The following P2RX3 variants were observed in gnomAD, a reference collection of about 807,000 sequenced individuals.
P2RX3 encodes P2X purinoceptor 3.
A neutral mutation model predicts 51.5 loss-of-function variants in P2RX3; 41 were observed. That is an observed-to-expected ratio of 0.80 (90% CI 0.62 to 1.03). P2RX3 has a LOEUF of 1.03. Ranked by LOEUF, P2RX3 falls within the 50% of genes least tolerant of loss-of-function variation. The pLI, the probability that P2RX3 is intolerant of heterozygous loss-of-function variation, is 0.00. For synonymous variants in P2RX3, 185 were observed against 191.6 expected (o/e 0.97, Z 0.29); for missense variants, 459 against 522.1 (o/e 0.88, Z 1.18).
At chr11:57,357,399 A>G (rs1590634498) in intron 8 of P2RX3, among the ~76,000 whole-genome samples, 1 of 152,336 alleles carries the variant, frequency 6.6e-6, no homozygotes, top group Admixed American at 6.5e-5. Context: ...TACCTGTCCA[A>G]GGCCACACAG....
intron 3 of P2RX3, 63 bp from the exon 4 acceptor site, chr11:57,347,352 A>T: frequency 6.5e-7 from 1 of 1,532,974 alleles, no homozygotes. Context: ...AGGTCGAGGG[A>T]GTCGCGGAGC....
upstream of P2RX3, chr11:57,338,343 CCTG>C: frequency 2.3e-6 from 1 of 435,282 alleles, no homozygotes; most frequent in East Asian, 3.3e-5. Context: ...GGTCCCCCGC[CCTG>C]GTCCTGGCCT....
chr11:57,340,051 G>A (rs991979158), intron 1 of P2RX3, among the ~76,000 whole-genome samples: 4 of 152,196 alleles, frequency 2.6e-5, no homozygotes, highest in Admixed American at 1.3e-4. Context: ...TGTGAGATAC[G>A]AGGTTTGCAA....
At chr11:57,368,135 A>G in intron 9 of P2RX3, 33 bp downstream of exon 9, 6 of 1,590,448 alleles carry the variant, frequency 3.8e-6, no homozygotes, top group Non-Finnish European at 5.2e-6. Context: ...TGGGGTGGAC[A>G]GGGGAGGCAG....
intron 4 of P2RX3, 59 bp downstream of exon 4, chr11:57,347,537 G>C (rs964167901): frequency 6.5e-7 from 1 of 1,528,084 alleles, no homozygotes; most frequent in Non-Finnish European, 8.9e-7. Flanking sequence ...CCATGGGGGA[G>C]AGCCCGTCGT....
intron 1 of P2RX3, among the ~76,000 whole-genome samples, chr11:57,342,995 G>A (rs937255990): frequency 3.9e-5 from 6 of 152,186 alleles, no homozygotes; most frequent in African/African-American, 1.2e-4. Flanking sequence ...CCATGAATGC[G>A]AGAAGAAAAT....
In P2RX3 at chr11:57,338,632, C is replaced by A. The variant is rs751683530; in HGVS notation, c.82C>A (p.Arg28=). ...VKSWTIGIIN[R]VVQLLIISYF... is the part of the protein sequence containing the mutation. ...GAGCTGGACCATCGGGATCATCAAC[C>A]GAGTAGTTCAGCTTCTGATCATCTC... The change falls in exon 1 of 12, where the codon CGA becomes AGA. Residue 28 remains arginine, a synonymous_variant. Coordinates refer to ENST00000263314, the MANE Select transcript of P2RX3 (RefSeq NM_002559.5). The A allele has an allele frequency of 3.1e-6, 5 of 1,594,660 alleles. No individual in the cohort carries two copies. In the South Asian group the frequency reaches 4.4e-5, roughly 14 times the overall value.
At chr11:57,351,044 C>T in intron 8 of P2RX3, 146 bp downstream of exon 8, 1 of 1,161,452 alleles carries the variant, frequency 8.6e-7, no homozygotes. Flanking sequence ...AGGAAGGACT[C>T]TCTAACAGCC....
chr11:57,370,236 G>A lies in P2RX3; in HGVS notation c.*239G>A. On this transcript the variant is annotated 3_prime_UTR_variant, in exon 12 of 12. Coordinates refer to ENST00000263314, the MANE Select transcript of P2RX3 (RefSeq NM_002559.5). ...GCCCCATCTGCTTCCTAGGACCCCT[G>A]GGGCAGGAGCACCTGAGCCATCCCC... The A allele has an allele frequency of 1.9e-6, 1 of 521,440 alleles. No homozygotes were observed. The highest frequency in any genetic ancestry group is 3.4e-6 in the Non-Finnish European group (1 of 291,376). The allele number at this position is 521,440 out of a possible 1,614,324, so 32.3% of individuals were successfully genotyped here. A position where few individuals can be genotyped will look rare whatever the true frequency, so the allele number is the denominator to read the frequency against.
chr11:57,350,445 G>T, intron 7 of P2RX3: 1 of 258,762 alleles, frequency 3.9e-6, no homozygotes, highest in Non-Finnish European at 7.5e-6. Context: ...ACCAAGCCCG[G>T]CTAATTTTTG....
intron 8 of P2RX3, among the ~76,000 whole-genome samples, chr11:57,361,223 C>A (rs1266064142): frequency 2.0e-5 from 3 of 152,198 alleles, no homozygotes; most frequent in African/African-American, 7.2e-5. Context: ...AGGAAAGCGG[C>A]CCCTGCCTCT....
chr11:57,338,851 A>T (rs113331122), intron 1 of P2RX3, among the ~76,000 whole-genome samples, 182 bp downstream of exon 1: 2 of 151,836 alleles, frequency 1.3e-5, no homozygotes, highest in Admixed American at 1.3e-4. Context: ...GCCTAAATTC[A>T]CCCAGGTGAA....
chr11:57,361,453 C>A (rs146199810), intron 8 of P2RX3, among the ~76,000 whole-genome samples: 1 of 152,176 alleles, frequency 6.6e-6, no homozygotes. Context: ...TCCCCCTGCA[C>A]CCCCAACAGG....
intron 1 of P2RX3, among the ~76,000 whole-genome samples, chr11:57,343,361 G>A (rs576023571): frequency 3.3e-5 from 5 of 152,346 alleles, no homozygotes; most frequent in Admixed American, 2.0e-4. Context: ...GATGGAGCAG[G>A]AGCTGGTAGG....
At position 57,368,398 on chromosome 11, in the gene P2RX3, C is replaced by T; in HGVS notation, c.963C>T (p.Thr321=). 6.2e-7 allele frequency: 1 copy of T among 1,614,202 alleles called. No individual in the cohort carries two copies. Among genetic ancestry groups the T allele is most frequent in the South Asian group, 1.1e-5 (1 of 91,084 alleles). The change falls in exon 10 of 12, where the codon ACC becomes ACT. Residue 321 remains threonine, a synonymous_variant. Coordinates refer to ENST00000263314, the MANE Select transcript of P2RX3 (RefSeq NM_002559.5). ...CTGGCAAGTTCAACATCATCCCCAC[C>T]ATCATCAGCTCTGTGGCGGCCTTTA... ...GNAGKFNIIP[T]IISSVAAFTS...
At chr11:57,368,473 C>CA in intron 10 of P2RX3, 36 bp downstream of exon 10, 1 of 1,610,680 alleles carries the variant, frequency 6.2e-7, no homozygotes, top group East Asian at 2.2e-5. Context: ...ACGGGCCAGT[C>CA]AGAGTGGGGC....
At chr11:57,350,626 C>T (rs1357400653) in intron 7 of P2RX3, 136 bp from the exon 8 acceptor site, 5 of 1,225,924 alleles carry the variant, frequency 4.1e-6, no homozygotes, top group East Asian at 2.6e-5. Context: ...TGTCACTTTC[C>T]GTTCTCCCTG....
At position 57,349,755 on chromosome 11, in the gene P2RX3, A is replaced by AGG; in HGVS notation, c.565_566dup. The AGG allele has an allele frequency of 6.2e-7, 1 of 1,614,090 alleles. No individual in the cohort carries two copies. The highest frequency in any genetic ancestry group is 8.5e-7 in the Non-Finnish European group (1 of 1,179,988). On this transcript the variant is annotated splice_acceptor_variant, in intron 6 of 11. Coordinates refer to ENST00000263314, the MANE Select transcript of P2RX3 (RefSeq NM_002559.5). LOFTEE classifies it high-confidence loss of function. The stretch of plus-strand genomic sequence containing the variant: ...CTGACCTCTCTCTCTGCTCCTCCCC[A>AGG]GGGGAAACCTCCTTCCCAACCTGAC...
chr11:57,358,497 G>A (rs1010587835), intron 8 of P2RX3, among the ~76,000 whole-genome samples: 2 of 152,228 alleles, frequency 1.3e-5, no homozygotes, highest in African/African-American at 4.8e-5. Context: ...AGGATGGTCA[G>A]GATGAAGCAG....
Sources: gnomAD v4.1 joint callset for allele counts (sites outside exome capture counted in the v4.1 genomes callset) on GRCh38, gnomAD v4.1.1 for gene constraint, MANE v1.5 for transcripts, NCBI Gene and HGNC (gene_info 2026-07-23, HGNC 2026-07-21) for gene names.